CSDE1: variants seen among roughly 807,000 people sequenced by gnomAD.
CSDE1 encodes cold shock domain-containing protein E1.
In CSDE1, 17 loss-of-function variants were observed where a neutral mutation model predicts 89.3. That is an observed-to-expected ratio of 0.19 (90% confidence interval 0.13 to 0.29). The LOEUF is 0.29. Ranked by LOEUF, CSDE1 falls within the 10% of genes least tolerant of loss-of-function variation. The pLI is 1.00. For synonymous variants in CSDE1, 322 were observed against 332.8 expected (o/e 0.97, Z 0.35); for missense variants, 672 against 984.2 (o/e 0.68, Z 4.24).
intron 15 of CSDE1, 125 bp from the exon 16 acceptor site, chr1:114,724,127 G>A: frequency 2.0e-6 from 2 of 1,015,196 alleles, no homozygotes; most frequent in Non-Finnish European, 2.8e-6. Context: ...ATTGAAATGG[G>A]GTAGGGAACC....
rs1570899668 is a variant in CSDE1, at chr1:114,725,131, T to C, written c.1753+90A>G. On this transcript the variant is annotated intron_variant, in intron 15 of 19. Transcript: ENST00000358528. ...GAATCGCACATGAGAATGACTGATGTAGAATAATTAGGCCTCATCTCCCTC... is the reference window on the plus strand; with the variant it reads ...GAATCGCACATGAGAATGACTGATGCAGAATAATTAGGCCTCATCTCCCTC... 8 of 954,128 alleles carry C rather than the reference T, an allele frequency of 8.4e-6. No individual in the cohort carries two copies. In the East Asian group the frequency reaches 1.4e-4, roughly 17 times the overall value. 59.1% of individuals were successfully genotyped at this position (954,128 alleles called of 1,614,324 possible). A position where few individuals can be genotyped will look rare whatever the true frequency, so the allele number is the denominator to read the frequency against.
At chr1:114,718,856 T>A (rs1333341921) in intron 18 of CSDE1, 111 bp from the exon 19 acceptor site, 1 of 1,183,048 alleles carries the variant, frequency 8.5e-7, no homozygotes, top group East Asian at 2.4e-5. Flanking sequence ...CTTTTTATGA[T>A]GGGACTCTTG....
chr1:114,740,628 G>A (rs138516519), intron 2 of CSDE1, among the ~76,000 whole-genome samples: 367 of 152,112 alleles, frequency 2.4e-3, no homozygotes, highest in South Asian at 0.02. Flanking sequence ...CTATCACTTC[G>A]TTCCCATTCT....
At position 114,741,541 on chromosome 1, in the gene CSDE1, T is replaced by C. The variant is rs1466050489; in HGVS notation, c.1-1651A>G. ...TCCTGACTTACAGATCTCTGATAAG[T>C]TGGGGTCCTCTTTTGTTTTTTAGTC... On this transcript the variant is annotated intron_variant, in intron 2 of 19. Coordinates refer to ENST00000358528, the MANE Select transcript of CSDE1 (RefSeq NM_001007553.3). The C allele has an allele frequency of 3.2e-6, 5 of 1,550,094 alleles. 1 individual carries two copies. The South Asian group carries it at 3.6e-5, about 11-fold the overall frequency.
At chr1:114,754,140 C>A (rs187657278) in intron 1 of CSDE1, among the ~76,000 whole-genome samples, 17 of 152,306 alleles carry the variant, frequency 1.1e-4, no homozygotes, top group African/African-American at 3.4e-4. Context: ...AGGCGTGTAC[C>A]ACCAGGCCTG....
chr1:114,754,173 A>G (rs1275111713), intron 1 of CSDE1, among the ~76,000 whole-genome samples: 1 of 152,068 alleles, frequency 6.6e-6, no homozygotes, highest in Non-Finnish European at 1.5e-5. Flanking sequence ...TTGTATTTTT[A>G]GCACAGATGG....
At chr1:114,738,141 T>C in intron 3 of CSDE1, 69 bp from the exon 4 acceptor site, 3 of 1,165,592 alleles carry the variant, frequency 2.6e-6, no homozygotes, top group South Asian at 1.2e-5. Context: ...TTCCAAGCTA[T>C]ACTTAACATA....
At position 114,750,180 on chromosome 1, in the gene CSDE1, G is replaced by C. The variant is rs1024084024; in HGVS notation, c.-360C>G. 9 of 152,522 alleles carry C rather than the reference G, an allele frequency of 5.9e-5. No homozygotes were observed. Among genetic ancestry groups the C allele is most frequent in the African/African-American group, 1.9e-4 (8 of 41,396 alleles). The allele number at this position is 152,522 out of a possible 1,614,324, so 9.4% of individuals were successfully genotyped here. ...TGAACTTGAAGCAGCAGTTTCAGGTGGTAAAGTCTGTTCTGTTACACTTCA... is the reference window on the plus strand; with the variant it reads ...TGAACTTGAAGCAGCAGTTTCAGGTCGTAAAGTCTGTTCTGTTACACTTCA... On this transcript the variant is annotated 5_prime_UTR_variant, in exon 2 of 20. Coordinates refer to ENST00000358528, the MANE Select transcript of CSDE1 (RefSeq NM_001007553.3).
chr1:114,719,818 T>C lies in CSDE1; in HGVS notation c.2053-76A>G, dbSNP rs1659411438. ...GAATGAAGCACAATGCCTGCCCCTATCTAAAAGGATGTATAAAACATGGTA... is the reference window on the plus strand; with the variant it reads ...GAATGAAGCACAATGCCTGCCCCTACCTAAAAGGATGTATAAAACATGGTA... On this transcript the variant is annotated intron_variant, in intron 17 of 19. Transcript: ENST00000358528. 3 of 1,375,808 alleles carry C rather than the reference T, an allele frequency of 2.2e-6. No homozygotes were observed. The Admixed American group carries it at 6.2e-5, about 29-fold the overall frequency. 85.2% of individuals were successfully genotyped at this position (1,375,808 alleles called of 1,614,324 possible).
At chr1:114,745,560 TTC>T (rs1292905579) in intron 2 of CSDE1, among the ~76,000 whole-genome samples, 1 of 152,218 alleles carries the variant, frequency 6.6e-6, no homozygotes, top group Non-Finnish European at 1.5e-5. Flanking sequence ...CAGAATCCAG[TTC>T]TGACTCCATT....
chr1:114,727,043 C>T lies in CSDE1; in HGVS notation c.1404G>A (p.Leu468=). ...IIAYDDCGVK[L]TIAFQAKDVE... is the part of the protein sequence containing the mutation. ...CATCCTTGGCTTGAAAAGCAATAGT[C>T]AGTTTCACCCCACAGTCATCATAAG... Residue 468 remains leucine (L), a synonymous_variant, in exon 13 of 20, where the codon CTG becomes CTA. Coordinates refer to ENST00000358528, the MANE Select transcript of CSDE1 (RefSeq NM_001007553.3). 6.2e-7 allele frequency: 1 copy of T among 1,613,872 alleles called. No homozygotes were observed. Among genetic ancestry groups the T allele is most frequent in the Non-Finnish European group, 8.5e-7 (1 of 1,179,858 alleles).
chr1:114,719,858 C>G, intron 17 of CSDE1, 116 bp from the exon 18 acceptor site: 1 of 1,008,326 alleles, frequency 9.9e-7, no homozygotes, highest in South Asian at 1.7e-5. Flanking sequence ...TGTTGATACT[C>G]CAGTCCAGCT....
At chr1:114,756,689 T>C (rs143605272) in intron 1 of CSDE1, 1 of 152,188 alleles carries the variant, frequency 6.6e-6, no homozygotes, top group Non-Finnish European at 1.5e-5. Flanking sequence ...CCTTTGAGCA[T>C]TCTCCCTCTC....
chr1:114,732,218 A>C (rs1435775657), intron 10 of CSDE1, among the ~76,000 whole-genome samples: 1 of 152,156 alleles, frequency 6.6e-6, no homozygotes, highest in Non-Finnish European at 1.5e-5. Flanking sequence ...TCCCTGGACC[A>C]CACTGGAGGA....
intron 3 of CSDE1, among the ~76,000 whole-genome samples, chr1:114,738,962 G>A (rs1207325657): frequency 6.6e-6 from 1 of 151,716 alleles, no homozygotes; most frequent in African/African-American, 2.4e-5. Context: ...ACAGGCATGA[G>A]CCACCATGCC....
chr1:114,751,859 C>A (rs1012825593), intron 1 of CSDE1, among the ~76,000 whole-genome samples: 1 of 152,204 alleles, frequency 6.6e-6, no homozygotes, highest in Non-Finnish European at 1.5e-5. Context: ...CTTTTGTATT[C>A]ATCTCTTATC....
intron 3 of CSDE1, 31 bp from the exon 4 acceptor site, chr1:114,738,103 A>G (rs750907210): frequency 1.9e-6 from 3 of 1,562,218 alleles, no homozygotes; most frequent in Non-Finnish European, 2.6e-6. Flanking sequence ...ATGTTTGTTG[A>G]ACTGATTTTT....
In CSDE1 at chr1:114,738,661, C is replaced by CTTTTTTTTTTT. The variant is rs752985259; in HGVS notation, c.200-600_200-590dup. Among the ~76,000 whole-genome samples, 47 of 80,048 alleles carry CTTTTTTTTTTT rather than the reference C, an allele frequency of 5.9e-4. 4 individuals are homozygous for CTTTTTTTTTTT. The highest frequency in any genetic ancestry group is 9.0e-4 in the Non-Finnish European group (38 of 41,992). The allele number at this position is 80,048 out of a possible 152,430, so 52.5% of individuals were successfully genotyped here. On this transcript the variant is annotated intron_variant, in intron 3 of 19. Transcript: ENST00000358528. ...AAGCCAAACACTTCACATGTAAAAA[C>CTTTTTTTTTTT]TTTTTTTTTTTTTTTTTTTTTTTTT...
Position 114,740,018 on chromosome 1 carries a change from T to C in CSDE1, c.1-128A>G, listed in dbSNP as rs979787151. On this transcript the variant is annotated intron_variant, in intron 2 of 19. Transcript: ENST00000358528. The stretch of plus-strand genomic sequence containing the variant: ...AAAAAGTAAAATGAAGGGAAGATTA[T>C]AGACTTTATTACTGCAGCATTAATT... 2.0e-5 allele frequency: 14 copies of C among 699,766 alleles called. No homozygotes were observed. In the African/African-American group the frequency reaches 2.5e-4, roughly 12 times the overall value. 43.3% of individuals were successfully genotyped at this position (699,766 alleles called of 1,614,324 possible). A position where few individuals can be genotyped will look rare whatever the true frequency, so the allele number is the denominator to read the frequency against.
Sources: gnomAD v4.1 joint callset for allele counts (sites outside exome capture counted in the v4.1 genomes callset) on GRCh38, gnomAD v4.1.1 for gene constraint, MANE v1.5 for transcripts, NCBI Gene and HGNC (gene_info 2026-07-23, HGNC 2026-07-21) for gene names.